EFCAB6: variants seen among roughly 807,000 people sequenced by gnomAD.
The protein encoded by EFCAB6 is EF-hand calcium binding domain 6, also known as EF-hand calcium-binding domain-containing protein 6.
A neutral mutation model predicts 169.8 loss-of-function variants in EFCAB6; 156 were observed. The observed-to-expected ratio is 0.92, with a 90% CI of 0.81 to 1.05. EFCAB6 has a LOEUF of 1.05. Among genes scored for constraint, EFCAB6 ranks in the 50% least tolerant of loss-of-function variants. The pLI, the probability that EFCAB6 is intolerant of heterozygous loss-of-function variation, is 0.00. For missense variants in EFCAB6, 1,800 were observed against 1,829.1 expected, an observed-to-expected ratio of 0.98 and a Z score of 0.29; for synonymous variants, 698 against 676.4, an observed-to-expected ratio of 1.03 and a Z score of -0.50.
intron 2 of EFCAB6, among the ~76,000 whole-genome samples, chr22:43,790,838 G>A (rs1569491225): frequency 6.6e-6 from 1 of 152,230 alleles, no homozygotes; most frequent in East Asian, 1.9e-4. Flanking sequence ...TTTTGTAAAA[G>A]TATTGAGAAG....
At chr22:43,749,696 A>T (rs1438977261) in intron 6 of EFCAB6, among the ~76,000 whole-genome samples, 1 of 152,082 alleles carries the variant, frequency 6.6e-6, no homozygotes, top group Non-Finnish European at 1.5e-5. Flanking sequence ...ACAGGCCACC[A>T]ACCAGTACAG....
At chr22:43,657,547 A>G (rs1202942274) in intron 17 of EFCAB6, among the ~76,000 whole-genome samples, 1 of 152,216 alleles carries the variant, frequency 6.6e-6, no homozygotes, top group East Asian at 1.9e-4. Context: ...ATGAAATGAT[A>G]TTGAAAAGAT....
chr22:43,732,522 T>G (rs1257604908), intron 7 of EFCAB6, among the ~76,000 whole-genome samples: 1 of 148,278 alleles, frequency 6.7e-6, no homozygotes, highest in Non-Finnish European at 1.5e-5. Flanking sequence ...GGCTAGAGTG[T>G]GGTGCTGCAA....
rs192965489 is a variant in EFCAB6, at chr22:43,798,217, C to G, written c.-8+10778G>C. On this transcript the variant is annotated intron_variant, in intron 2 of 31. Coordinates refer to ENST00000262726, the MANE Select transcript of EFCAB6 (RefSeq NM_022785.4). ...TGGCCAAGATGGTGAAACCCCATCT[C>G]TACTAAAAATACAAAATTTAGCCAG... Among the ~76,000 whole-genome samples, 644 of 152,206 alleles carry G rather than the reference C, an allele frequency of 4.2e-3. 3 individuals carry two copies. Among genetic ancestry groups the G allele is most frequent in the Non-Finnish European group, 6.3e-3 (428 of 68,004 alleles).
intron 26 of EFCAB6, among the ~76,000 whole-genome samples, chr22:43,569,664 G>A (rs1326746068): frequency 2.0e-5 from 3 of 152,218 alleles, no homozygotes; most frequent in Admixed American, 6.5e-5. Context: ...ACCCTGGCCT[G>A]TCTCCAAGGC....
In EFCAB6 at chr22:43,530,201, G is replaced by A. The variant is rs188930374; in HGVS notation, c.4383+614C>T. ...TTGCCGGAAGGGAATAACAGAACCT[G>A]CCCTACTTCCTTCCTTTCTTTGCAT... is the stretch of plus-strand genomic sequence containing the variant. On this transcript the variant is annotated intron_variant, in intron 31 of 31. Transcript: ENST00000262726. Among the ~76,000 whole-genome samples the A allele has an allele frequency of 2.6e-5, 4 of 152,356 alleles. No homozygotes were observed. In the East Asian group the frequency reaches 7.7e-4, roughly 29 times the overall value.
In EFCAB6 at chr22:43,759,549, G is replaced by C. The variant is rs570439330; in HGVS notation, c.441-3717C>G. On this transcript the variant is annotated intron_variant, in intron 5 of 31. Transcript: ENST00000262726. ...TCTGAAGCAAATCTCAAAAGGTTCA[G>C]CCTGATCATTTTAAGCAAAATCATT... 6 of 152,264 alleles carry C rather than the reference G, an allele frequency of 3.9e-5. No homozygotes were observed. The East Asian group carries it at 1.2e-3, about 29-fold the overall frequency. 9.4% of individuals were successfully genotyped at this position (152,264 alleles called of 1,614,324 possible).
At chr22:43,592,792 T>G (rs951256368) in intron 23 of EFCAB6, among the ~76,000 whole-genome samples, 23 of 152,332 alleles carry the variant, frequency 1.5e-4, no homozygotes, top group African/African-American at 5.1e-4. Flanking sequence ...AATTTGCGTT[T>G]TCGAACGAGC....
At chr22:43,580,302 G>A (rs755270267) in intron 25 of EFCAB6, among the ~76,000 whole-genome samples, 162 bp downstream of exon 25, 3 of 152,086 alleles carry the variant, frequency 2.0e-5, no homozygotes, top group Non-Finnish European at 4.4e-5. Flanking sequence ...TGCTGGGGTG[G>A]AAGAGTGGAT....
At position 43,589,695 on chromosome 22, in the gene EFCAB6, C is replaced by G. The variant is rs577540720; in HGVS notation, c.3032+379G>C. 1.2e-4 allele frequency among the ~76,000 whole-genome samples: 18 copies of G among 152,074 alleles called. No homozygotes were observed. The South Asian group carries it at 3.7e-3, about 32-fold the overall frequency. On this transcript the variant is annotated intron_variant, in intron 24 of 31. Transcript: ENST00000262726. ...CCCAGCTACTTGGGAGCCTGAGGCACGAGAATCACTTGAACCCAGGAGGCA... is the reference window on the plus strand; with the variant it reads ...CCCAGCTACTTGGGAGCCTGAGGCAGGAGAATCACTTGAACCCAGGAGGCA...
intron 20 of EFCAB6, among the ~76,000 whole-genome samples, chr22:43,624,136 G>C (rs2054324539): frequency 6.6e-6 from 1 of 152,068 alleles, no homozygotes; most frequent in Admixed American, 6.6e-5. Context: ...AACCAGCTGG[G>C]AATGCCTCCT....
At chr22:43,745,729 A>G (rs1457999634) in intron 6 of EFCAB6, among the ~76,000 whole-genome samples, 1 of 152,204 alleles carries the variant, frequency 6.6e-6, no homozygotes, top group African/African-American at 2.4e-5. Context: ...TAAACACATC[A>G]ATGCTCATTT....
rs1175378874 is a variant in EFCAB6, at chr22:43,543,149, C to T, written c.3649-2792G>A. On this transcript the variant is annotated intron_variant, in intron 27 of 31. Transcript: ENST00000262726. ...CAAGGGGAGGGACGGAATTACACAG[C>T]CCCAGGCTCCAAGGAGAGCCGGACT... Among the ~76,000 whole-genome samples, 8 of 152,194 alleles carry T rather than the reference C, an allele frequency of 5.3e-5. 1 individual carries two copies. Among genetic ancestry groups the T allele is most frequent in the Admixed American group, 5.2e-4 (8 of 15,278 alleles).
Position 43,765,470 on chromosome 22 carries a change from A to G in EFCAB6, c.352-77T>C. On this transcript the variant is annotated intron_variant, in intron 4 of 31. Transcript: ENST00000262726. ...AATAGACGGTAAAGCAGATTTCTAA[A>G]TCACAGCTCTCAGGATGTAACAGAG... is the stretch of plus-strand genomic sequence containing the variant. The G allele has an allele frequency of 3.7e-6, 4 of 1,092,248 alleles. No homozygotes were observed. The Admixed American group carries it at 7.1e-5, about 19-fold the overall frequency. The allele number at this position is 1,092,248 out of a possible 1,614,324, so 67.7% of individuals were successfully genotyped here. A position where few individuals can be genotyped will look rare whatever the true frequency, so the allele number is the denominator to read the frequency against.
intron 2 of EFCAB6, among the ~76,000 whole-genome samples, chr22:43,808,645 T>TG (rs1022027454): frequency 2.0e-5 from 3 of 151,998 alleles, no homozygotes; most frequent in African/African-American, 7.3e-5. Flanking sequence ...GACAGAGCAT[T>TG]GGGCAAAAAC....
At chr22:43,742,887 T>C (rs1401990750) in intron 6 of EFCAB6, among the ~76,000 whole-genome samples, 2 of 152,198 alleles carry the variant, frequency 1.3e-5, no homozygotes, top group African/African-American at 4.8e-5. Flanking sequence ...CTCGGCATGA[T>C]GGCTGAAGCA....
intron 8 of EFCAB6, among the ~76,000 whole-genome samples, chr22:43,717,947 G>A (rs772095326): frequency 1.2e-4 from 19 of 152,094 alleles, no homozygotes; most frequent in Non-Finnish European, 2.8e-4. Flanking sequence ...CTAAATTAAC[G>A]GATGTGGGAA....
At chr22:43,690,372 C>T (rs1020975980) in intron 10 of EFCAB6, among the ~76,000 whole-genome samples, 2 of 143,328 alleles carry the variant, frequency 1.4e-5, no homozygotes, top group African/African-American at 2.6e-5. Context: ...AAAAATTAGC[C>T]GGGCATGGTG....
chr22:43,683,722 C>T (rs1231279112), intron 12 of EFCAB6, 25 bp downstream of exon 12: 9 of 1,515,998 alleles, frequency 5.9e-6, no homozygotes, highest in African/African-American at 4.1e-5. Flanking sequence ...GAGTGTTTCA[C>T]AAGAGAAGGC....
Sources: gnomAD v4.1 joint callset for allele counts (sites outside exome capture counted in the v4.1 genomes callset) on GRCh38, gnomAD v4.1.1 for gene constraint, MANE v1.5 for transcripts, NCBI Gene and HGNC (gene_info 2026-07-23, HGNC 2026-07-21) for gene names.